LGI2: variants seen among roughly 807,000 people sequenced by gnomAD.
The protein encoded by LGI2 is leucine-rich repeat LGI family member 2.
A neutral mutation model predicts 52.0 loss-of-function variants in LGI2; 30 were observed. The ratio of observed to expected loss-of-function variants is 0.58; its 90% CI spans 0.43 to 0.78. The LOEUF (loss-of-function observed/expected upper bound fraction) is 0.78, where lower values mean the gene tolerates loss of function less well. LGI2 is among the 30% of genes least tolerant of loss of function. The pLI, the probability that LGI2 is intolerant of heterozygous loss-of-function variation, is 0.00. For synonymous variants in LGI2, 270 were observed against 271.8 expected, an observed-to-expected ratio of 0.99 and a Z score of 0.06; for missense variants, 573 against 692.5, an observed-to-expected ratio of 0.83 and a Z score of 1.94.
Position 25,003,658 on chromosome 4 carries a change from G to A in LGI2, c.1431C>T (p.Tyr477=). ...LQPFSFKDNH[Y]LALGSDYTFS... is the part of the protein sequence containing the mutation. ...ATGTATAGTCACTCCCCAGGGCCAG[G>A]TAGTGATTATCTTTAAAAGAAAAGG... The change falls in exon 8 of 8, where the codon TAC becomes TAT. Residue 477 remains tyrosine, a synonymous_variant. Coordinates refer to ENST00000382114, the MANE Select transcript of LGI2 (RefSeq NM_018176.4). 1 of 1,614,124 alleles carries A rather than the reference G, an allele frequency of 6.2e-7. No homozygotes were observed. The highest frequency in any genetic ancestry group is 8.5e-7 in the Non-Finnish European group (1 of 1,180,010).
chr4:25,030,563 T>C lies in LGI2; in HGVS notation c.131A>G (p.Lys44Arg). The C allele has an allele frequency of 6.3e-7, 1 of 1,592,472 alleles. No individual in the cohort carries two copies. The highest frequency in any genetic ancestry group is 1.1e-5 in the South Asian group (1 of 87,328). ...AGAGCCCACGCAGATGATAGACTCC[T>C]TGGTACAGCTGCAAGTGGCGGGGCA... is the stretch of plus-strand genomic sequence containing the variant. Reference protein sequence around the residue: ...ARCPATCSCTKESIICVGSSW... With the variant: ...ARCPATCSCTRESIICVGSSW... Residue 44 changes from lysine (K) to arginine (R), a missense_variant, in exon 1 of 8, where the codon AAG (lysine) becomes AGG (arginine). Coordinates refer to ENST00000382114, the MANE Select transcript of LGI2 (RefSeq NM_018176.4).
Position 25,002,249 on chromosome 4 carries a change from G to T in LGI2, c.*1202C>A, listed in dbSNP as rs1201631317. ...GTGGCCCCATGTGGGTCCTGGCGGG[G>T]GTTCCTTTGGTAAAGTACTGGGAGA... On this transcript the variant is annotated 3_prime_UTR_variant, in exon 8 of 8. Transcript: ENST00000382114. 5 of 152,226 alleles carry T rather than the reference G, an allele frequency of 3.3e-5. No individual in the cohort carries two copies. Among genetic ancestry groups the T allele is most frequent in the Non-Finnish European group, 7.3e-5 (5 of 68,084 alleles). 9.4% of individuals were successfully genotyped at this position (152,226 alleles called of 1,614,324 possible).
intron 1 of LGI2, among the ~76,000 whole-genome samples, chr4:25,030,150 G>A (rs1286879523): frequency 6.6e-6 from 1 of 152,046 alleles, no homozygotes; most frequent in Non-Finnish European, 1.5e-5. Context: ...GAGTCTCCCG[G>A]GGACGTCAAA....
chr4:25,029,586 G>A (rs552510784), intron 1 of LGI2, among the ~76,000 whole-genome samples: 1 of 152,358 alleles, frequency 6.6e-6, no homozygotes, highest in African/African-American at 2.4e-5. Flanking sequence ...TAAAGATACA[G>A]CCCAACAGCC....
chr4:25,025,043 G>A (rs1259674507), intron 3 of LGI2, 152 bp from the exon 4 acceptor site: 1 of 577,616 alleles, frequency 1.7e-6, no homozygotes, highest in Non-Finnish European at 3.0e-6. Context: ...CAAATTCCAT[G>A]TGGTAGCAGG....
At chr4:25,010,986 G>A (rs547602318) in intron 7 of LGI2, among the ~76,000 whole-genome samples, 1 of 152,016 alleles carries the variant, frequency 6.6e-6, no homozygotes, top group African/African-American at 2.4e-5. Flanking sequence ...GGAGGCTGGG[G>A]CAGGAGGATC....
At chr4:25,007,442 C>CT (rs1446829389) in intron 7 of LGI2, among the ~76,000 whole-genome samples, 2 of 152,256 alleles carry the variant, frequency 1.3e-5, no homozygotes, top group Admixed American at 1.3e-4. Context: ...GCTATGGAGG[C>CT]TACCACCCCC....
the LGI2 span, among the ~76,000 whole-genome samples, chr4:24,993,408 G>A: frequency 6.6e-6 from 1 of 152,148 alleles, no homozygotes; most frequent in African/African-American, 2.4e-5. Context: ...AATGAGTTAA[G>A]GTATGTAACA....
intron 3 of LGI2, 110 bp downstream of exon 3, chr4:25,026,758 G>T: frequency 2.4e-6 from 2 of 831,722 alleles, no homozygotes; most frequent in Non-Finnish European, 4.2e-6. Flanking sequence ...GTGTTCTCCA[G>T]TTTCTCCACC....
chr4:25,024,366 TAGTC>T (rs979525416), intron 4 of LGI2, among the ~76,000 whole-genome samples: 1 of 152,058 alleles, frequency 6.6e-6, no homozygotes, highest in Non-Finnish European at 1.5e-5. Context: ...ATACAAAAAT[TAGTC>T]AGGCATAGTG....
intron 4 of LGI2, among the ~76,000 whole-genome samples, chr4:25,021,748 G>A (rs112088049): frequency 0.031 from 4,768 of 151,996 alleles, 233 homozygotes; most frequent in African/African-American, 0.11. Context: ...TGGCTAACAC[G>A]GTGAAACGCT....
rs1178158422 is a variant in LGI2, at chr4:25,030,488, C to T, written c.197+9G>A. ...GGGACGGGATGGGGGCTGGAGGGGT[C>T]CCACTCACAGGGAGCTGATGTCGCC... On this transcript the variant is annotated intron_variant, in intron 1 of 7. Transcript: ENST00000382114. 6.3e-7 allele frequency: 1 copy of T among 1,577,932 alleles called. No homozygotes were observed. The highest frequency in any genetic ancestry group is 8.6e-7 in the Non-Finnish European group (1 of 1,163,534).
chr4:24,992,438 G>T, the LGI2 span, among the ~76,000 whole-genome samples: 9 of 152,112 alleles, frequency 5.9e-5, no homozygotes, highest in Non-Finnish European at 1.2e-4. Context: ...TTAGAGCCAG[G>T]TGCGGTGGCT....
chr4:24,992,761 A>T, the LGI2 span, among the ~76,000 whole-genome samples: 1 of 152,140 alleles, frequency 6.6e-6, no homozygotes, highest in Admixed American at 6.5e-5. Context: ...TGACCCACGC[A>T]GCAAAATAGA....
At chr4:25,028,451 T>C in intron 2 of LGI2, 56 bp downstream of exon 2, 2 of 1,536,408 alleles carry the variant, frequency 1.3e-6, no homozygotes, top group Non-Finnish European at 1.8e-6. Context: ...GAGACGGCCC[T>C]CCAAGGATGG....
chr4:25,020,367 G>T (rs996788526), intron 4 of LGI2, among the ~76,000 whole-genome samples: 3 of 152,194 alleles, frequency 2.0e-5, no homozygotes, highest in Admixed American at 1.3e-4. Context: ...ATTTTGCAGT[G>T]CCCTGTCATC....
rs1266142617 is a variant in LGI2, at chr4:25,024,832, T to C, written c.401A>G (p.Asp134Gly). ...TCATAGGACTTACAGGTGAGTCAGG[T>C]CACGGAGGCCACGAAAGGCATTTCT... is the stretch of plus-strand genomic sequence containing the variant. Reference protein sequence around the residue: ...ISRNAFRGLRDLTHLSLANNH... With the variant: ...ISRNAFRGLRGLTHLSLANNH... Residue 134 changes from aspartate (D) to glycine (G), a missense_variant, in exon 4 of 8, where the codon GAC (aspartate) becomes GGC (glycine). Transcript: ENST00000382114. 1.2e-6 allele frequency: 2 copies of C among 1,608,234 alleles called. No homozygotes were observed. Among genetic ancestry groups the C allele is most frequent in the Non-Finnish European group, 8.5e-7 (1 of 1,177,626 alleles).
chr4:25,015,231 C>T (rs1013676639), intron 6 of LGI2, among the ~76,000 whole-genome samples: 7 of 152,222 alleles, frequency 4.6e-5, no homozygotes, highest in African/African-American at 1.7e-4. Context: ...GGGAGAGAAA[C>T]TGCACATTAA....
chr4:25,024,902 A>G lies in LGI2; in HGVS notation c.342-11T>C. 6.4e-7 allele frequency: 1 copy of G among 1,568,534 alleles called. No homozygotes were observed. Among genetic ancestry groups the G allele is most frequent in the Non-Finnish European group, 8.6e-7 (1 of 1,157,280 alleles). Reference sequence around the variant, plus strand: ...TTCCCTTCAATGAACCTAAGAGGAAAAGTTGTATAATTAAAATGAATTTTC... The same window carrying G: ...TTCCCTTCAATGAACCTAAGAGGAAGAGTTGTATAATTAAAATGAATTTTC... On this transcript the variant is annotated splice_polypyrimidine_tract_variant and intron_variant, in intron 3 of 7. Coordinates refer to ENST00000382114, the MANE Select transcript of LGI2 (RefSeq NM_018176.4).
Sources: gnomAD v4.1 joint callset for allele counts (sites outside exome capture counted in the v4.1 genomes callset) on GRCh38, gnomAD v4.1.1 for gene constraint, MANE v1.5 for transcripts, NCBI Gene and HGNC (gene_info 2026-07-23, HGNC 2026-07-21) for gene names.